SSBP3: variants seen among roughly 807,000 people sequenced by gnomAD.
SSBP3 encodes single-stranded DNA-binding protein 3.
SSBP3 carries 5 observed loss-of-function variants against 69.6 expected under a neutral mutation model. That is an observed-to-expected ratio of 0.07 (90% CI 0.04 to 0.15). The LOEUF is 0.15. SSBP3 is among the 10% of genes least tolerant of loss of function. The pLI is 1.00. For synonymous variants in SSBP3, 196 were observed against 193.4 expected, an observed-to-expected ratio of 1.01 and a Z score of -0.11; for missense variants, 312 against 534.0, an observed-to-expected ratio of 0.58 and a Z score of 4.10.
intron 4 of SSBP3, among the ~76,000 whole-genome samples, chr1:54,315,209 G>A (rs1557523366): frequency 6.6e-6 from 1 of 152,136 alleles, no homozygotes. Context: ...TCAAGGCCAA[G>A]GCTCTCTGGG....
At chr1:54,274,527 G>A (rs1219687643) in intron 5 of SSBP3, among the ~76,000 whole-genome samples, 2 of 152,160 alleles carry the variant, frequency 1.3e-5, no homozygotes, top group Admixed American at 6.5e-5. Flanking sequence ...GCTTCTCACC[G>A]TCACACCTGC....
chr1:54,343,195 A>G (rs961625583), intron 4 of SSBP3, among the ~76,000 whole-genome samples: 1 of 152,038 alleles, frequency 6.6e-6, no homozygotes, highest in African/African-American at 2.4e-5. Flanking sequence ...TGCTACTACC[A>G]TTTATGTATT....
intron 4 of SSBP3, among the ~76,000 whole-genome samples, chr1:54,297,663 AG>A: frequency 6.6e-6 from 1 of 152,292 alleles, no homozygotes; most frequent in East Asian, 1.9e-4. Flanking sequence ...TGAGAACAGA[AG>A]GGCAACGCCA....
rs566808965 is a variant in SSBP3, at chr1:54,302,613, C to T, written c.277-21086G>A. ...TTTAAGCACCCTAAGGGCAGAAATA[C>T]CACCTGTCTTATCCATCATTGCCTC... On this transcript the variant is annotated intron_variant, in intron 4 of 17. Transcript: ENST00000610401. Among the ~76,000 whole-genome samples the T allele has an allele frequency of 1.6e-4, 24 of 152,280 alleles. No homozygotes were observed. The South Asian group carries it at 4.4e-3, about 28-fold the overall frequency.
intron 4 of SSBP3, among the ~76,000 whole-genome samples, chr1:54,341,449 T>C (rs1646604826): frequency 6.6e-6 from 1 of 152,092 alleles, no homozygotes; most frequent in African/African-American, 2.4e-5. Flanking sequence ...TTTCCTTGCC[T>C]TCACCCAAAC....
intron 4 of SSBP3, among the ~76,000 whole-genome samples, chr1:54,319,530 T>C (rs17110359): frequency 0.02 from 2,998 of 152,220 alleles, 102 homozygotes; most frequent in African/African-American, 0.068. Context: ...GCCTCAGGAC[T>C]CAGCCTTACC....
chr1:54,271,297 T>C (rs1310977442), intron 5 of SSBP3, among the ~76,000 whole-genome samples: 1 of 151,984 alleles, frequency 6.6e-6, no homozygotes, highest in Non-Finnish European at 1.5e-5. Context: ...TTTTCTTTTG[T>C]AGAGACAGGG....
At chr1:54,377,745 G>C (rs1647296053) in intron 4 of SSBP3, among the ~76,000 whole-genome samples, 2 of 152,164 alleles carry the variant, frequency 1.3e-5, no homozygotes, top group African/African-American at 4.8e-5. Context: ...TTGGAGTGTT[G>C]GTGATACGTC....
chr1:54,405,602 C>T (rs1557599446), intron 1 of SSBP3: 1 of 153,560 alleles, frequency 6.5e-6, no homozygotes, highest in Non-Finnish European at 1.4e-5. Flanking sequence ...AGTGCGGCCA[C>T]CGCGGGGAGC....
At chr1:54,401,804 G>A (rs1052084555) in intron 4 of SSBP3, 57 bp downstream of exon 4, 123 of 1,454,674 alleles carry the variant, frequency 8.5e-5, no homozygotes, top group Non-Finnish European at 1.0e-4. Flanking sequence ...TCGTACTAGA[G>A]AAGTTAGAGC....
At chr1:54,408,309 C>T (rs771100561), upstream of SSBP3, among the ~76,000 whole-genome samples, 1 of 152,160 alleles carries the variant, frequency 6.6e-6, no homozygotes, top group Non-Finnish European at 1.5e-5. Context: ...GTTATTTTTT[C>T]CCCTAGGCGG....
chr1:54,398,512 T>C (rs1454585276), intron 4 of SSBP3, among the ~76,000 whole-genome samples: 2 of 152,186 alleles, frequency 1.3e-5, no homozygotes, highest in African/African-American at 2.4e-5. Context: ...GCGGAGAAGG[T>C]GGCCAGGACA....
chr1:54,314,288 C>A (rs187224885), intron 4 of SSBP3, among the ~76,000 whole-genome samples: 1 of 152,180 alleles, frequency 6.6e-6, no homozygotes, highest in African/African-American at 2.4e-5. Context: ...GAAGTGTATG[C>A]GGGCACACAT....
exon 18 of SSBP3, chr1:54,226,843 G>C: frequency 2.3e-6 from 1 of 428,868 alleles, no homozygotes; most frequent in Non-Finnish European, 4.4e-6. Context: ...TACAGAAAAG[G>C]TCCTTTGGGG....
intron 4 of SSBP3, among the ~76,000 whole-genome samples, chr1:54,306,678 C>A (rs1188505540): frequency 6.6e-6 from 1 of 152,164 alleles, no homozygotes; most frequent in East Asian, 1.9e-4. Context: ...CTTAATCTAC[C>A]TTTATACCAA....
chr1:54,372,260 G>T (rs1647147857), intron 4 of SSBP3, among the ~76,000 whole-genome samples: 1 of 152,186 alleles, frequency 6.6e-6, no homozygotes, highest in Admixed American at 6.5e-5. Flanking sequence ...ACTACCTCAT[G>T]TTGAAAGCAC....
chr1:54,381,952 G>A (rs1419673320), intron 4 of SSBP3, among the ~76,000 whole-genome samples: 1 of 152,212 alleles, frequency 6.6e-6, no homozygotes, highest in Non-Finnish European at 1.5e-5. Context: ...CAAGCACTTT[G>A]GGAGGCCGAG....
intron 12 of SSBP3, 89 bp downstream of exon 12, chr1:54,241,385 A>C (rs1047982685): frequency 7.2e-7 from 1 of 1,382,706 alleles, no homozygotes; most frequent in African/African-American, 1.4e-5. Context: ...AATGTGTGAA[A>C]GGGAAAGAAA....
intron 4 of SSBP3, among the ~76,000 whole-genome samples, chr1:54,328,308 G>C (rs547955634): frequency 6.6e-6 from 1 of 152,350 alleles, no homozygotes; most frequent in African/African-American, 2.4e-5. Flanking sequence ...AATCAGGACT[G>C]CTGAGTCGCC....
Sources: allele counts gnomAD v4.1 joint callset (sites outside exome capture counted in the v4.1 genomes callset), GRCh38; gene constraint gnomAD v4.1.1; transcripts MANE v1.5; gene names NCBI Gene and HGNC (gene_info 2026-07-23, HGNC 2026-07-21).